The following LYAR variants were observed in gnomAD, a reference collection of about 807,000 sequenced individuals.
LYAR encodes the protein cell growth-regulating nucleolar protein.
Under a neutral mutation model 45.2 loss-of-function variants are expected in LYAR, and 37 were observed. The observed-to-expected ratio is 0.82, with a 90% CI of 0.63 to 1.08. LYAR has a LOEUF of 1.08. LYAR is among the 50% of genes least tolerant of loss of function. The pLI is 0.00. For missense variants in LYAR, 493 were observed against 451.0 expected (o/e 1.09, Z -0.84); for synonymous variants, 176 against 155.1 (o/e 1.14, Z -1.00).
chr4:4,267,922 C>G lies in LYAR; in HGVS notation c.1107G>C (p.Lys369Asn). The G allele has an allele frequency of 6.2e-7, 1 of 1,612,248 alleles. No homozygotes were observed. The highest frequency in any genetic ancestry group is 8.5e-7 in the Non-Finnish European group (1 of 1,179,108). ...CAAGCTTGACTTTGTCCTTTAATAA[C>G]TTAAAGGTAGGGTTCTTGCTGATTT... ...NKKISKNPTF[K>N]LLKDKVKLVK The change falls in exon 10 of 10, where the codon AAG becomes AAC. Residue 369 changes from lysine (K) to asparagine (N), a missense_variant. Coordinates refer to ENST00000343470, the MANE Select transcript of LYAR (RefSeq NM_017816.3).
chr4:4,281,814 T>C lies in LYAR; in HGVS notation c.206A>G (p.Lys69Arg). 1 of 1,614,148 alleles carries C rather than the reference T, an allele frequency of 6.2e-7. No homozygotes were observed. Among genetic ancestry groups the C allele is most frequent in the Non-Finnish European group, 8.5e-7 (1 of 1,179,994 alleles). The part of the protein sequence containing the change: ...GGKGYEGKTH[K>R]GDIKQQAWIQ... ...CCACGCCTGCTGTTTGATGTCGCCT[T>C]TGTGGGTTTTACCTTCATAGCCTTT... is the stretch of plus-strand genomic sequence containing the variant. The change falls in exon 4 of 10, where the codon AAA (lysine) becomes AGA (arginine). Residue 69 changes from lysine (K) to arginine (R), a missense_variant. Lys to Arg is a conservative substitution (Grantham distance 26). Coordinates refer to ENST00000343470, the MANE Select transcript of LYAR (RefSeq NM_017816.3).
intron 1 of LYAR, among the ~76,000 whole-genome samples, chr4:4,288,850 C>G (rs1324684436): frequency 6.6e-6 from 1 of 152,214 alleles, no homozygotes; most frequent in African/African-American, 2.4e-5. Context: ...ATTACCACCA[C>G]TACCACTCAA....
chr4:4,285,054 C>G (rs965273522), intron 2 of LYAR, among the ~76,000 whole-genome samples: 3 of 152,184 alleles, frequency 2.0e-5, no homozygotes, highest in Admixed American at 1.3e-4. Context: ...TGGAAATGTA[C>G]ATCCTGGCTG....
chr4:4,274,420 C>G lies in LYAR; in HGVS notation c.779G>C (p.Ser260Thr). The G allele has an allele frequency of 1.2e-6, 2 of 1,614,018 alleles. No individual in the cohort carries two copies. Among genetic ancestry groups the G allele is most frequent in the East Asian group, 4.5e-5 (2 of 44,874 alleles). The change falls in exon 7 of 10, where the codon AGT becomes ACT. Residue 260 changes from serine (S) to threonine (T), a missense_variant. Transcript: ENST00000343470. ...KKKKQRKDSASEEEARVGAGK... is the reference protein window; with the variant it reads ...KKKKQRKDSATEEEARVGAGK... ...TGCGCCCACGCGTGCCTCTTCCTCA[C>G]TGGCGCTGTCCTTGCGCTGCTTCTT...
At chr4:4,270,201 G>A (rs1001346207) in intron 8 of LYAR, among the ~76,000 whole-genome samples, 8 of 125,594 alleles carry the variant, frequency 6.4e-5, no homozygotes, top group Non-Finnish European at 1.2e-4. Context: ...ACCCTGTCTC[G>A]AAAAATAAAA....
intron 4 of LYAR, among the ~76,000 whole-genome samples, chr4:4,280,143 G>C (rs1363196394): frequency 6.6e-6 from 1 of 152,100 alleles, no homozygotes; most frequent in Non-Finnish European, 1.5e-5. Context: ...CAACCAGAAA[G>C]AGAAATTAAG....
chr4:4,268,277 T>C (rs778597618), intron 9 of LYAR, among the ~76,000 whole-genome samples: 2 of 139,902 alleles, frequency 1.4e-5, no homozygotes, highest in Non-Finnish European at 3.0e-5. Context: ...AGAGAGCAAA[T>C]ATCTAGAAAA....
In LYAR at chr4:4,274,714, T is replaced by C. The variant is rs1719107756; in HGVS notation, c.485A>G (p.His162Arg). 2.5e-6 allele frequency: 4 copies of C among 1,613,574 alleles called. No individual in the cohort carries two copies. In the East Asian group the frequency reaches 6.7e-5, roughly 27 times the overall value. Reference protein sequence around the residue: ...QRPLHPVANPHAEISTKVPAS... With the variant: ...QRPLHPVANPRAEISTKVPAS... ...TGGAACCTTGGTGGAGATTTCTGCA[T>C]GTGGATTTGCCACTGGGTGGAGTGG... Residue 162 changes from histidine (H) to arginine (R), a missense_variant, in exon 7 of 10, where the codon CAT (histidine) becomes CGT (arginine). Coordinates refer to ENST00000343470, the MANE Select transcript of LYAR (RefSeq NM_017816.3).
intron 4 of LYAR, among the ~76,000 whole-genome samples, chr4:4,281,332 CTTTT>C (rs1404295523): frequency 2.7e-5 from 4 of 147,500 alleles, no homozygotes; most frequent in African/African-American, 1.1e-4. Flanking sequence ...TTTTTTCTTT[CTTTT>C]CTTTTTCTTT....
intron 3 of LYAR, among the ~76,000 whole-genome samples, chr4:4,283,304 C>A (rs530813153): frequency 3.1e-4 from 47 of 152,294 alleles, no homozygotes; most frequent in African/African-American, 1.0e-3. Context: ...GCGCCCACCA[C>A]CACGCCTGAC....
chr4:4,288,977 G>A (rs141920929), intron 1 of LYAR, among the ~76,000 whole-genome samples: 1 of 152,328 alleles, frequency 6.6e-6, no homozygotes, highest in Non-Finnish European at 1.5e-5. Flanking sequence ...GAAACAAGAA[G>A]TCAGGCCAAC....
At position 4,283,692 on chromosome 4, in the gene LYAR, T is replaced by C; in HGVS notation, c.51A>G (p.Gln17=). The C allele has an allele frequency of 6.2e-7, 1 of 1,612,750 alleles. No individual in the cohort carries two copies. Among genetic ancestry groups the C allele is most frequent in the Non-Finnish European group, 8.5e-7 (1 of 1,179,602 alleles). The change falls in exon 3 of 10, where the codon CAA becomes CAG. Residue 17 remains glutamine (Q), a synonymous_variant. Transcript: ENST00000343470. ...NACGESVKKI[Q]VEKHVSVCRN... ...TGCAAACAGACACATGCTTTTCCAC[T>C]TGTATTTTCTTCACTGATTCACCAC... is the stretch of plus-strand genomic sequence containing the variant.
chr4:4,287,929 C>T (rs1008319493), intron 1 of LYAR, among the ~76,000 whole-genome samples: 12 of 152,208 alleles, frequency 7.9e-5, no homozygotes, highest in African/African-American at 2.4e-5. Context: ...GCAAAGCTAG[C>T]TGAGGGGCAG....
chr4:4,286,049 G>T (rs1425839798), intron 2 of LYAR, among the ~76,000 whole-genome samples: 1 of 152,300 alleles, frequency 6.6e-6, no homozygotes, highest in Non-Finnish European at 1.5e-5. Context: ...TTTTCATTTG[G>T]TCTTTACTTG....
chr4:4,274,622 C>T lies in LYAR; in HGVS notation c.577G>A (p.Glu193Lys). ...EVKKNKRERKEERQKKRKREK... is the reference protein window; with the variant it reads ...EVKKNKRERKKERQKKRKREK... ...CTTTTCCTTTTCTTCTGCCGTTCTTCCTTTCTTTCTCTTTTATTCTTCTTC... is the reference window on the plus strand; with the variant it reads ...CTTTTCCTTTTCTTCTGCCGTTCTTTCTTTCTTTCTCTTTTATTCTTCTTC... The change falls in exon 7 of 10, where the codon GAA (glutamate) becomes AAA (lysine). Residue 193 changes from glutamate (E) to lysine (K), a missense_variant. Glu to Lys is a moderately conservative substitution (Grantham distance 56, BLOSUM62 1). Coordinates refer to ENST00000343470, the MANE Select transcript of LYAR (RefSeq NM_017816.3). 3 of 1,614,048 alleles carry T rather than the reference C, an allele frequency of 1.9e-6. No individual in the cohort carries two copies. The highest frequency in any genetic ancestry group is 2.5e-6 in the Non-Finnish European group (3 of 1,180,024).
chr4:4,269,318 GA>G (rs1718836964), intron 8 of LYAR, among the ~76,000 whole-genome samples: 1 of 152,194 alleles, frequency 6.6e-6, no homozygotes, highest in South Asian at 2.1e-4. Flanking sequence ...TAGCAAGACA[GA>G]AAACTTTTGT....
chr4:4,281,987 C>T, intron 3 of LYAR, 90 bp from the exon 4 acceptor site: 4 of 771,424 alleles, frequency 5.2e-6, no homozygotes, highest in Non-Finnish European at 6.8e-6. Context: ...CTGTGGTCTA[C>T]ACTGTATATT....
chr4:4,273,932 A>G (rs893147708), intron 7 of LYAR, among the ~76,000 whole-genome samples: 2 of 152,072 alleles, frequency 1.3e-5, no homozygotes, highest in African/African-American at 4.8e-5. Context: ...TCGTTCCCTT[A>G]CTTGGTTCAA....
intron 2 of LYAR, 101 bp from the exon 3 acceptor site, chr4:4,283,896 CAG>C (rs879943853): frequency 2.6e-5 from 15 of 582,080 alleles, no homozygotes; most frequent in Non-Finnish European, 3.8e-5. Flanking sequence ...ATGAAAATAA[CAG>C]AGTCAAAGTT....
Sources: allele counts gnomAD v4.1 joint callset (sites outside exome capture counted in the v4.1 genomes callset), GRCh38; gene constraint gnomAD v4.1.1; transcripts MANE v1.5; gene names NCBI Gene and HGNC (gene_info 2026-07-23, HGNC 2026-07-21).